Variants in CAMTA1 observed in about 807,000 individuals in gnomAD.
CAMTA1 encodes the protein calmodulin binding transcription activator 1.
In CAMTA1, 27 loss-of-function variants were observed where a neutral mutation model predicts 170.9. The observed-to-expected ratio is 0.16, with a 90% confidence interval of 0.12 to 0.22. CAMTA1 has a LOEUF of 0.22. CAMTA1 is among the 10% of genes least tolerant of loss of function. The pLI is 1.00. For missense variants in CAMTA1, 1,619 were observed against 2,217.2 expected (o/e 0.73, Z 5.42); for synonymous variants, 833 against 891.5 (o/e 0.93, Z 1.17).
chr1:7,656,102 G>T (rs2095900865), intron 7 of CAMTA1, among the ~76,000 whole-genome samples: 3 of 152,220 alleles, frequency 2.0e-5, no homozygotes, highest in Admixed American at 2.0e-4. Flanking sequence ...GGACTTCCCA[G>T]CCTCCAAAAC....
At chr1:7,100,798 C>T (rs1265163569) in intron 4 of CAMTA1, among the ~76,000 whole-genome samples, 1 of 152,190 alleles carries the variant, frequency 6.6e-6, no homozygotes, top group Admixed American at 6.5e-5. Flanking sequence ...ATCTTGGGGA[C>T]GGCCAGGGCC....
intron 7 of CAMTA1, among the ~76,000 whole-genome samples, chr1:7,649,683 T>TA (rs1276567851): frequency 6.6e-6 from 1 of 152,208 alleles, no homozygotes; most frequent in African/African-American, 2.4e-5. Context: ...GGAAGAGAAA[T>TA]ACTGCTTTTG....
chr1:6,905,034 C>A (rs1557800377), intron 3 of CAMTA1, among the ~76,000 whole-genome samples: 1 of 152,056 alleles, frequency 6.6e-6, no homozygotes, highest in Non-Finnish European at 1.5e-5. Context: ...CTGGGGTCCG[C>A]TCTGTTGCTG....
chr1:7,312,718 C>G (rs1402353207), intron 5 of CAMTA1, among the ~76,000 whole-genome samples: 1 of 152,164 alleles, frequency 6.6e-6, no homozygotes, highest in East Asian at 1.9e-4. Context: ...CTCCTTTGGG[C>G]TGCTTCCAAA....
intron 5 of CAMTA1, among the ~76,000 whole-genome samples, chr1:7,403,764 T>C (rs1464616368): frequency 6.6e-6 from 1 of 152,164 alleles, no homozygotes; most frequent in Non-Finnish European, 1.5e-5. Flanking sequence ...GAAGAAGTTG[T>C]TGAGTGATAA....
At chr1:6,886,240 G>C (rs1035744726) in intron 3 of CAMTA1, 5 of 455,862 alleles carry the variant, frequency 1.1e-5, no homozygotes, top group African/African-American at 1.0e-4. Flanking sequence ...GTTTATACAG[G>C]TCTTAAAATT....
chr1:6,952,130 C>T (rs1249333393), intron 3 of CAMTA1, among the ~76,000 whole-genome samples: 2 of 152,166 alleles, frequency 1.3e-5, no homozygotes, highest in African/African-American at 2.4e-5. Flanking sequence ...ATGTTTCTGG[C>T]ATCAAATGGG....
At chr1:7,137,249 T>C (rs548647334) in intron 4 of CAMTA1, among the ~76,000 whole-genome samples, 60 of 152,342 alleles carry the variant, frequency 3.9e-4, no homozygotes, top group Non-Finnish European at 8.1e-4. Flanking sequence ...CTTCACTGCT[T>C]TCACTAGAGT....
intron 5 of CAMTA1, among the ~76,000 whole-genome samples, chr1:7,442,463 G>A (rs1437861155): frequency 6.6e-6 from 1 of 152,168 alleles, no homozygotes; most frequent in Non-Finnish European, 1.5e-5. Context: ...GCCGGTACAG[G>A]GAGCACGTAG....
intron 5 of CAMTA1, among the ~76,000 whole-genome samples, chr1:7,257,673 T>C (rs1667618886): frequency 6.6e-6 from 1 of 152,042 alleles, no homozygotes; most frequent in Admixed American, 6.6e-5. Flanking sequence ...CAAGGGAGAA[T>C]ATTGATGCCC....
intron 16 of CAMTA1, among the ~76,000 whole-genome samples, chr1:7,743,827 C>CA (rs1197823504): frequency 6.8e-6 from 1 of 146,798 alleles, no homozygotes; most frequent in African/African-American, 2.5e-5. Flanking sequence ...TTTTTCTTTT[C>CA]TTTTCTTTTT....
chr1:7,467,313 G>A (rs2093233784), intron 5 of CAMTA1, among the ~76,000 whole-genome samples: 1 of 152,176 alleles, frequency 6.6e-6, no homozygotes, highest in African/African-American at 2.4e-5. Flanking sequence ...AGCTCTAGAA[G>A]CCCATCCTGG....
chr1:7,393,221 T>C (rs1347317669), intron 5 of CAMTA1, among the ~76,000 whole-genome samples: 2 of 152,172 alleles, frequency 1.3e-5, no homozygotes, highest in African/African-American at 4.8e-5. Flanking sequence ...TCTGTATGTT[T>C]ACTTTAGTGG....
chr1:7,219,837 A>G (rs1660422469), intron 4 of CAMTA1, among the ~76,000 whole-genome samples: 1 of 152,036 alleles, frequency 6.6e-6, no homozygotes, highest in East Asian at 1.9e-4. Context: ...GGAGTTTGAG[A>G]CCAGCCTGGG....
At chr1:7,611,522 G>A (rs187846552) in intron 6 of CAMTA1, among the ~76,000 whole-genome samples, 3 of 152,324 alleles carry the variant, frequency 2.0e-5, no homozygotes, top group African/African-American at 4.8e-5. Flanking sequence ...CCTCTAGCCC[G>A]AGGGCCTGAG....
intron 5 of CAMTA1, among the ~76,000 whole-genome samples, chr1:7,438,367 A>G (rs910614985): frequency 9.2e-5 from 14 of 152,152 alleles, no homozygotes; most frequent in Non-Finnish European, 1.6e-4. Flanking sequence ...TCCTTTGAGA[A>G]GAAGCCAAAG....
chr1:7,559,752 T>C (rs2094932358), intron 6 of CAMTA1, among the ~76,000 whole-genome samples: 1 of 151,994 alleles, frequency 6.6e-6, no homozygotes, highest in South Asian at 2.1e-4. Context: ...TGAATCAGGA[T>C]GCACCCCAGG....
intron 5 of CAMTA1, among the ~76,000 whole-genome samples, chr1:7,453,513 A>T (rs1474073276): frequency 6.6e-6 from 1 of 152,172 alleles, no homozygotes; most frequent in Non-Finnish European, 1.5e-5. Flanking sequence ...TTATGTCCGG[A>T]TGAAATAGTT....
In CAMTA1 at chr1:6,899,554, GCACACACACACACACA is replaced by G. The variant is rs70984034; in HGVS notation, c.234+74369_234+74384del. Among the ~76,000 whole-genome samples, 66 of 141,178 alleles carry G rather than the reference GCACACACACACACACA, an allele frequency of 4.7e-4. 1 individual carries two copies. Among genetic ancestry groups the G allele is most frequent in the African/African-American group, 1.4e-3 (55 of 39,228 alleles). 92.6% of individuals were successfully genotyped at this position (141,178 alleles called of 152,430 possible). On this transcript the variant is annotated intron_variant, in intron 3 of 22. Coordinates refer to ENST00000303635, the MANE Select transcript of CAMTA1 (RefSeq NM_015215.4). The stretch of plus-strand genomic sequence containing the variant: ...ATGTGTATAACGCGCACGCGCGCGC[GCACACACACACACACA>G]CACACACACACACACACACACACAG...
Sources: gnomAD v4.1 joint callset for allele counts (sites outside exome capture counted in the v4.1 genomes callset) on GRCh38, gnomAD v4.1.1 for gene constraint, MANE v1.5 for transcripts, NCBI Gene and HGNC (gene_info 2026-07-23, HGNC 2026-07-21) for gene names.